COL4A4: variants seen among roughly 807,000 people sequenced by gnomAD.
COL4A4 encodes the protein collagen alpha-4(IV) chain.
Under a neutral mutation model 192.9 loss-of-function variants are expected in COL4A4, and 105 were observed. The observed-to-expected ratio is 0.54, with a 90% CI of 0.46 to 0.64. The LOEUF (loss-of-function observed/expected upper bound fraction) is 0.64. Ranked by LOEUF, COL4A4 falls within the 30% of genes least tolerant of loss-of-function variation. The pLI is 0.00. For synonymous variants in COL4A4, 762 were observed against 769.9 expected (o/e 0.99, Z 0.17); for missense variants, 1,967 against 2,169.3 (o/e 0.91, Z 1.85).
chr2:226,972,402 A>AT, the COL4A4 span, among the ~76,000 whole-genome samples: 3 of 152,222 alleles, frequency 2.0e-5, no homozygotes, highest in Non-Finnish European at 4.4e-5. Context: ...AGAGACAGGG[A>AT]TTACCTAAAG....
chr2:227,140,266 T>A (rs377382330), intron 3 of COL4A4, 28 bp from the exon 4 acceptor site: 1 of 1,589,400 alleles, frequency 6.3e-7, no homozygotes, highest in South Asian at 1.1e-5. Flanking sequence ...TTATTTAGTA[T>A]ACCAGTACTC....
chr2:227,070,038 C>A (rs2058613653), intron 25 of COL4A4, among the ~76,000 whole-genome samples: 1 of 150,780 alleles, frequency 6.6e-6, no homozygotes, highest in Non-Finnish European at 1.5e-5. Context: ...AAACAAACAA[C>A]CCCATCAAAA....
At chr2:227,092,846 A>G (rs541368468) in intron 20 of COL4A4, among the ~76,000 whole-genome samples, 1 of 152,228 alleles carries the variant, frequency 6.6e-6, no homozygotes, top group Non-Finnish European at 1.5e-5. Context: ...TGGTGAAAGA[A>G]AGCTAAATTC....
chr2:227,032,746 G>C (rs191401057), intron 38 of COL4A4, among the ~76,000 whole-genome samples: 1 of 152,096 alleles, frequency 6.6e-6, no homozygotes, highest in Non-Finnish European at 1.5e-5. Flanking sequence ...TATATTACTG[G>C]ATCTTCCAAA....
At chr2:227,035,095 C>T (rs1969339408) in intron 37 of COL4A4, among the ~76,000 whole-genome samples, 1 of 152,062 alleles carries the variant, frequency 6.6e-6, no homozygotes, top group Non-Finnish European at 1.5e-5. Flanking sequence ...CCACCCCACA[C>T]TGTGAAACAA....
rs74768770 is a variant in COL4A4 at position 227,052,261 on chromosome 2, A to G, written c.2968+44T>C. ...TTGCCTAACAAATGTGATCTGTAAA[A>G]ATGTCAACTTATTTGATATGGTTAA... On this transcript the variant is annotated intron_variant, in intron 32 of 47. Transcript: ENST00000396625. 1.1e-3 allele frequency: 1,264 copies of G among 1,173,972 alleles called. 13 individuals carry two copies. The African/African-American group carries it at 0.016, about 15-fold the overall frequency. The allele number at this position is 1,173,972 out of a possible 1,614,324, so 72.7% of individuals were successfully genotyped here. A position where few individuals can be genotyped will look rare whatever the true frequency, so the allele number is the denominator to read the frequency against.
chr2:226,975,021 G>A, the COL4A4 span, among the ~76,000 whole-genome samples: 1 of 152,190 alleles, frequency 6.6e-6, no homozygotes, highest in Non-Finnish European at 1.5e-5. Context: ...GGTACGTGGA[G>A]AGAACTGGGA....
Position 227,090,729 on chromosome 2 carries a change from G to A in COL4A4, c.1370-772C>T, listed in dbSNP as rs59922068. Among the ~76,000 whole-genome samples the A allele has an allele frequency of 6.7e-3, 1,021 of 151,736 alleles. 16 individuals carry two copies. The highest frequency in any genetic ancestry group is 0.023 in the African/African-American group (965 of 41,352). On this transcript the variant is annotated intron_variant, in intron 20 of 47. Transcript: ENST00000396625. ...ATCGCACCACTGTACTCCAGCCTGG[G>A]CAACAGAATGAGACTCCATCTCAAA...
At chr2:227,038,610 A>T (rs1457001980) in intron 37 of COL4A4, among the ~76,000 whole-genome samples, 1 of 152,188 alleles carries the variant, frequency 6.6e-6, no homozygotes, top group East Asian at 1.9e-4. Flanking sequence ...GAAGAAAGTC[A>T]ATGGTAGCTG....
Position 227,010,298 on chromosome 2 carries a change from A to G in COL4A4, c.4522+15T>C. 6.2e-7 allele frequency: 1 copy of G among 1,614,180 alleles called. No homozygotes were observed. Among genetic ancestry groups the G allele is most frequent in the South Asian group, 1.1e-5 (1 of 91,078 alleles). On this transcript the variant is annotated intron_variant, in intron 46 of 47. Transcript: ENST00000396625. ...ACTCTTCAGGCAATGGAGATGGGCG[A>G]TCCTGTATCCATACCAAGGTCTTGA...
At chr2:226,970,985 T>C in the COL4A4 span, among the ~76,000 whole-genome samples, 1 of 152,358 alleles carries the variant, frequency 6.6e-6, no homozygotes, top group East Asian at 1.9e-4. Flanking sequence ...GTGTATAATA[T>C]ATATCATCAT....
intron 31 of COL4A4, 50 bp downstream of exon 31, chr2:227,054,544 G>T: frequency 6.2e-7 from 1 of 1,602,828 alleles, no homozygotes; most frequent in South Asian, 1.1e-5. Context: ...TTCTAGGTTT[G>T]GATCAAATAC....
intron 1 of COL4A4, among the ~76,000 whole-genome samples, chr2:227,155,597 C>G (rs949286543): frequency 2.0e-5 from 3 of 152,124 alleles, no homozygotes; most frequent in Non-Finnish European, 4.4e-5. Flanking sequence ...TTCTCTGGAC[C>G]TTTCAGACCT....
intron 9 of COL4A4, among the ~76,000 whole-genome samples, chr2:227,110,261 A>G (rs1307476778): frequency 1.3e-5 from 2 of 152,316 alleles, no homozygotes; most frequent in Admixed American, 6.5e-5. Context: ...GGATGAACTG[A>G]TATTTATTTT....
rs141919513 is a variant in COL4A4, at chr2:227,116,748, G to A, written c.489+1897C>T. ...CCAGGAAAGTGGTTGTGATGAAAAG[G>A]ATGACAGCGTCCTAGGTAAAGTGAC... On this transcript the variant is annotated intron_variant, in intron 7 of 47. Transcript: ENST00000396625. Among the ~76,000 whole-genome samples, 589 of 152,292 alleles carry A rather than the reference G, an allele frequency of 3.9e-3. 1 individual carries two copies. The highest frequency in any genetic ancestry group is 0.014 in the African/African-American group (565 of 41,568).
Position 227,011,040 on chromosome 2 carries a change from CCTCTT to C in COL4A4, c.4334-544_4334-540del, listed in dbSNP as rs1401905050. On this transcript the variant is annotated intron_variant, in intron 45 of 47. Transcript: ENST00000396625. ...GATCCACATCTACAAGTTTGGCTCT[CCTCTT>C]CGAGAAGAGAGGGAAATGGAAGGAA... is the stretch of plus-strand genomic sequence containing the variant. 2.0e-5 allele frequency among the ~76,000 whole-genome samples: 3 copies of C among 152,108 alleles called. No homozygotes were observed. In the East Asian group the frequency reaches 5.8e-4, roughly 29 times the overall value.
chr2:227,045,799 CACATATATATATATA>C (rs1972392152), intron 35 of COL4A4, among the ~76,000 whole-genome samples: 1 of 54,330 alleles, frequency 1.8e-5, no homozygotes, highest in African/African-American at 1.4e-4. Flanking sequence ...TATATATATA[CACATATATATATATA>C]TACACATATA....
At chr2:227,025,529 G>A (rs1236479433) in intron 43 of COL4A4, among the ~76,000 whole-genome samples, 1 of 152,136 alleles carries the variant, frequency 6.6e-6, no homozygotes, top group Non-Finnish European at 1.5e-5. Context: ...GACAGAGAAA[G>A]CCCACATACT....
intron 3 of COL4A4, among the ~76,000 whole-genome samples, chr2:227,140,875 TCACACACACACACACACACACACA>T (rs71036159): frequency 7.2e-6 from 1 of 139,754 alleles, no homozygotes; most frequent in South Asian, 2.5e-4. Context: ...CTTTAGAGCA[TCACACACACACACACACACACACA>T]CACACACACA....
Sources: allele counts gnomAD v4.1 joint callset (sites outside exome capture counted in the v4.1 genomes callset), GRCh38; gene constraint gnomAD v4.1.1; transcripts MANE v1.5; gene names NCBI Gene and HGNC (gene_info 2026-07-23, HGNC 2026-07-21).